ABLIM2: variants seen among roughly 807,000 people sequenced by gnomAD.
ABLIM2 encodes the protein actin-binding LIM protein 2.
Under a neutral mutation model 97.7 loss-of-function variants are expected in ABLIM2, and 53 were observed. The ratio of observed to expected loss-of-function variants is 0.54; its 90% CI spans 0.44 to 0.68. The LOEUF is 0.68. Among genes scored for constraint, ABLIM2 ranks in the 30% least tolerant of loss-of-function variants. ABLIM2 has a pLI of 0.00. For missense variants in ABLIM2, 835 were observed against 867.2 expected (o/e 0.96, Z 0.47); for synonymous variants, 361 against 345.8 (o/e 1.04, Z -0.49).
At position 8,076,072 on chromosome 4, in the gene ABLIM2, C is replaced by A. The variant is rs369125885; in HGVS notation, c.675+1556G>T. 8.9e-4 allele frequency among the ~76,000 whole-genome samples: 135 copies of A among 152,374 alleles called. 1 individual carries two copies. Among genetic ancestry groups the A allele is most frequent in the African/African-American group, 2.4e-3 (98 of 41,590 alleles). The stretch of plus-strand genomic sequence containing the variant: ...GGACATCCCTCTCAGAGCCACTCCA[C>A]AGAGGAGTGCAGAGCTCTCTGCAGG... On this transcript the variant is annotated intron_variant, in intron 6 of 20. Transcript: ENST00000447017.
rs1021868619 is a variant in ABLIM2 at position 8,097,251 on chromosome 4, G to C, written c.186C>G (p.Phe62Leu). ...ACGCDLAEGG[F>L]FVRQGEYICT... ...AGATGTACTCGCCCTGCCGCACGAAGAAGCCGCCCTCGGCCAGGTCGCAGC... is the reference window on the plus strand; with the variant it reads ...AGATGTACTCGCCCTGCCGCACGAACAAGCCGCCCTCGGCCAGGTCGCAGC... The change falls in exon 3 of 21, where the codon TTC becomes TTG. Residue 62 changes from phenylalanine (F) to leucine (L), a missense_variant. By Grantham distance (22) the Phe-to-Leu change is conservative. Transcript: ENST00000447017. 6.4e-7 allele frequency: 1 copy of C among 1,571,238 alleles called. No homozygotes were observed. Among genetic ancestry groups the C allele is most frequent in the African/African-American group, 1.4e-5 (1 of 73,832 alleles).
In ABLIM2 at chr4:7,982,180, G is replaced by C. The variant is rs1238132464; in HGVS notation, c.1824+1084C>G. On this transcript the variant is annotated intron_variant, in intron 20 of 20. Transcript: ENST00000447017. ...CAGACTGAGCCACCGCCCCTCAGCG[G>C]CATCCACGCCCCTCCAACTCCTTCC... is the stretch of plus-strand genomic sequence containing the variant. Among the ~76,000 whole-genome samples the C allele has an allele frequency of 2.0e-5, 3 of 150,650 alleles. No individual in the cohort carries two copies. The East Asian group carries it at 5.8e-4, about 29-fold the overall frequency.
intron 9 of ABLIM2, among the ~76,000 whole-genome samples, chr4:8,037,850 C>A (rs988802726): frequency 1.3e-5 from 2 of 152,218 alleles, no homozygotes; most frequent in African/African-American, 4.8e-5. Context: ...TGAATGAATG[C>A]GGGACGCTGG....
In ABLIM2 at chr4:7,983,269, G is replaced by A. The variant is rs1194112003; in HGVS notation, c.1819C>T (p.Leu607=). The change falls in exon 20 of 21, where the codon CTG becomes TTG. Residue 607 remains leucine (L), a synonymous_variant. Coordinates refer to ENST00000447017, the MANE Select transcript of ABLIM2 (RefSeq NM_001130083.2). ...KLPKDVDRTR[L]ERHLSPEEFQ... The stretch of plus-strand genomic sequence containing the variant: ...CCCGGCAGTCCCCCGCTTACCTCCA[G>A]TCTCGTCCGGTCCACGTCTTTGGGC... 6.2e-7 allele frequency: 1 copy of A among 1,610,468 alleles called. No homozygotes were observed. The highest frequency in any genetic ancestry group is 1.1e-5 in the South Asian group (1 of 89,688).
rs1797751150 is a variant in ABLIM2, at chr4:8,054,391, G to T, written c.764-145C>A. ...CCAAGCGGCCCTGAGCATCCTCTCT[G>T]TGCTGGAGTTAGTGCCGGGCAGGGG... On this transcript the variant is annotated intron_variant, in intron 7 of 20. Transcript: ENST00000447017. This position sits in a 1 kb window ranked among gnomAD's most constrained non-coding sequence, Gnocchi z 4.9. 1.2e-6 allele frequency: 1 copy of T among 845,316 alleles called. No homozygotes were observed. Among genetic ancestry groups the T allele is most frequent in the African/African-American group, 1.7e-5 (1 of 59,890 alleles). 52.4% of individuals were successfully genotyped at this position (845,316 alleles called of 1,614,324 possible).
In ABLIM2 at chr4:8,112,301, A is replaced by G. The variant is rs1463542253; in HGVS notation, c.11-5664T>C. Among the ~76,000 whole-genome samples, 3 of 152,172 alleles carry G rather than the reference A, an allele frequency of 2.0e-5. No homozygotes were observed. The highest frequency in any genetic ancestry group is 4.4e-5 in the Non-Finnish European group (3 of 68,028). The stretch of plus-strand genomic sequence containing the variant: ...TGGGAGCCAGCAGGGTCCGGTTTGG[A>G]CCCACCATCCAGGGGCAGCGGTGTG... On this transcript the variant is annotated intron_variant, in intron 1 of 20. Coordinates refer to ENST00000447017, the MANE Select transcript of ABLIM2 (RefSeq NM_001130083.2). The surrounding 1 kb of genome is among the most constrained non-coding windows in gnomAD (Gnocchi z 4.2).
chr4:8,031,167 G>A (rs1047328545), intron 10 of ABLIM2, among the ~76,000 whole-genome samples: 10 of 152,242 alleles, frequency 6.6e-5, no homozygotes, highest in Admixed American at 1.3e-4. Context: ...AAGGTTGGCC[G>A]AGGTCCTGTG....
At position 8,126,124 on chromosome 4, in the gene ABLIM2, A is replaced by G. The variant is rs548922421; in HGVS notation, c.11-19487T>C. On this transcript the variant is annotated intron_variant, in intron 1 of 20. Transcript: ENST00000447017. ...TGCCTGAGCCAGGGCTGCTCCCTTCAGTAACATTCCACGGAGTTTCAGAGT... is the reference window on the plus strand; with the variant it reads ...TGCCTGAGCCAGGGCTGCTCCCTTCGGTAACATTCCACGGAGTTTCAGAGT... Among the ~76,000 whole-genome samples, 14 of 152,302 alleles carry G rather than the reference A, an allele frequency of 9.2e-5. No individual in the cohort carries two copies. The East Asian group carries it at 2.5e-3, about 27-fold the overall frequency.
chr4:7,995,588 G>A (rs530667142), intron 16 of ABLIM2, among the ~76,000 whole-genome samples: 90 of 152,354 alleles, frequency 5.9e-4, no homozygotes, highest in African/African-American at 2.1e-3. Flanking sequence ...GGGACACAGA[G>A]AAGCCTGTGG....
At chr4:7,977,788 C>CTAAATAAATAAATAAATGAA (rs1734682455) in intron 20 of ABLIM2, among the ~76,000 whole-genome samples, 1 of 46,408 alleles carries the variant, frequency 2.2e-5, no homozygotes. Context: ...GAGACTCTGT[C>CTAAATAAATAAATAAATGAA]TCAATAAATA....
At chr4:8,030,301 G>A (rs1379612439) in intron 10 of ABLIM2, among the ~76,000 whole-genome samples, 2 of 152,142 alleles carry the variant, frequency 1.3e-5, no homozygotes, top group East Asian at 3.9e-4. Context: ...CATCCAAGCA[G>A]GAGCAGCTGT....
chr4:8,020,454 G>A (rs1401870716), intron 12 of ABLIM2, 151 bp from the exon 13 acceptor site: 1 of 744,514 alleles, frequency 1.3e-6, no homozygotes, highest in Non-Finnish European at 2.4e-6. Context: ...AGGAGTGTGG[G>A]CCTCATCCAC....
chr4:8,127,457 G>C lies in ABLIM2; in HGVS notation c.11-20820C>G. The C allele has an allele frequency of 2.4e-6, 3 of 1,270,908 alleles. No homozygotes were observed. Among genetic ancestry groups the C allele is most frequent in the Non-Finnish European group, 3.1e-6 (3 of 973,432 alleles). 78.7% of individuals were successfully genotyped at this position (1,270,908 alleles called of 1,614,324 possible). A position where few individuals can be genotyped will look rare whatever the true frequency, so the allele number is the denominator to read the frequency against. On this transcript the variant is annotated intron_variant, in intron 1 of 20. Transcript: ENST00000447017. This position sits in a 1 kb window ranked among gnomAD's most constrained non-coding sequence, Gnocchi z 7.3. ...CAGACCCCTGAAGCTGATTCATGGA[G>C]CTCACAGCTCCCAGTCCCCTGAAGC...
In ABLIM2 at chr4:8,037,612, T is replaced by C. The variant is rs148200753; in HGVS notation, c.901-1317A>G. Among the ~76,000 whole-genome samples the C allele has an allele frequency of 3.0e-3, 452 of 152,062 alleles. 3 individuals are homozygous for C. The highest frequency in any genetic ancestry group is 9.6e-3 in the South Asian group (46 of 4,814). ...ACCCAGATTCACCCACAAACGTGCATGCACATCTGCCCACACATACTTGCA... is the reference window on the plus strand; with the variant it reads ...ACCCAGATTCACCCACAAACGTGCACGCACATCTGCCCACACATACTTGCA... On this transcript the variant is annotated intron_variant, in intron 9 of 20. Transcript: ENST00000447017.
chr4:8,032,954 C>G lies in ABLIM2; in HGVS notation c.1048-3178G>C, dbSNP rs1022110118. Among the ~76,000 whole-genome samples, 3 of 152,234 alleles carry G rather than the reference C, an allele frequency of 2.0e-5. No homozygotes were observed. Among genetic ancestry groups the G allele is most frequent in the African/African-American group, 4.8e-5 (2 of 41,442 alleles). Reference sequence around the variant, plus strand: ...GAGCTTGTCTCTACCTGGCCACCCCCACGTCCCACTGTTCTCCCACAAAGA... The same window carrying G: ...GAGCTTGTCTCTACCTGGCCACCCCGACGTCCCACTGTTCTCCCACAAAGA... On this transcript the variant is annotated intron_variant, in intron 10 of 20. Coordinates refer to ENST00000447017, the MANE Select transcript of ABLIM2 (RefSeq NM_001130083.2). This position sits in a 1 kb window ranked among gnomAD's most constrained non-coding sequence, Gnocchi z 4.3.
At chr4:8,109,551 G>A (rs1470125623) in intron 1 of ABLIM2, among the ~76,000 whole-genome samples, 1 of 152,090 alleles carries the variant, frequency 6.6e-6, no homozygotes, top group Admixed American at 6.5e-5. Context: ...CCCACATCCC[G>A]GAAGCCACCG....
rs1845130328 is a variant in ABLIM2 at position 8,120,933 on chromosome 4, A to G, written c.11-14296T>C. ...GTACTGTACCGCAGATTGCTAGCTC[A>G]GAGAAAGATCGAAATTCAAAATTCA... On this transcript the variant is annotated intron_variant, in intron 1 of 20. Coordinates refer to ENST00000447017, the MANE Select transcript of ABLIM2 (RefSeq NM_001130083.2). The surrounding 1 kb of genome is among the most constrained non-coding windows in gnomAD (Gnocchi z 5.6). 6.6e-6 allele frequency among the ~76,000 whole-genome samples: 1 copy of G among 152,236 alleles called. No individual in the cohort carries two copies. Among genetic ancestry groups the G allele is most frequent in the Non-Finnish European group, 1.5e-5 (1 of 68,042 alleles).
intron 10 of ABLIM2, among the ~76,000 whole-genome samples, chr4:8,034,140 T>C (rs1782708103): frequency 6.6e-6 from 1 of 152,204 alleles, no homozygotes; most frequent in African/African-American, 2.4e-5. Flanking sequence ...GTCTTAGCCC[T>C]GTGGCCGAGA....
intron 3 of ABLIM2, 77 bp from the exon 4 acceptor site, chr4:8,088,361 G>T: frequency 8.6e-7 from 1 of 1,161,556 alleles, no homozygotes; most frequent in Non-Finnish European, 1.3e-6. Context: ...CAGTGCAGGA[G>T]ACCAGGGCCA....
Sources: gnomAD v4.1 joint callset for allele counts (sites outside exome capture counted in the v4.1 genomes callset) on GRCh38, gnomAD v4.1.1 for gene constraint, Gnocchi (gnomAD v3.1) non-coding constraint, MANE v1.5 for transcripts, NCBI Gene and HGNC (gene_info 2026-07-23, HGNC 2026-07-21) for gene names.